The following ADCYAP1R1 variants were observed in gnomAD, a reference collection of about 807,000 sequenced individuals.
The protein encoded by ADCYAP1R1 is ADCYAP receptor type I, also known as pituitary adenylate cyclase-activating polypeptide type I receptor.
A neutral mutation model predicts 67.6 loss-of-function variants in ADCYAP1R1; 44 were observed. That is an observed-to-expected ratio of 0.65 (90% CI 0.51 to 0.84). The LOEUF (loss-of-function observed/expected upper bound fraction) is 0.84, where lower values mean the gene tolerates loss of function less well. Among genes scored for constraint, ADCYAP1R1 ranks in the 40% least tolerant of loss-of-function variants. ADCYAP1R1 has a pLI of 0.00. For missense variants in ADCYAP1R1, 477 were observed against 587.9 expected (o/e 0.81, Z 1.95); for synonymous variants, 222 against 219.6 (o/e 1.01, Z -0.10).
chr7:31,092,726 G>A lies in ADCYAP1R1; in HGVS notation c.1037G>A (p.Ser346Asn). 6.2e-7 allele frequency: 1 copy of A among 1,610,898 alleles called. No individual in the cohort carries two copies. Residue 346 changes from serine (S) to asparagine (N), a missense_variant, in exon 13 of 16, where the codon AGC (serine) becomes AAC (asparagine). Physicochemically the swap from Ser to Asn is conservative, Grantham distance 46. Transcript: ENST00000304166. ...QSPDMGGNESSIYLRLARSTL... is the reference protein window; with the variant it reads ...QSPDMGGNESNIYLRLARSTL... ...CCAGACATGGGAGGCAATGAGTCCAGCATCTACTTGTAAGTACCATTGTGT... is the reference window on the plus strand; with the variant it reads ...CCAGACATGGGAGGCAATGAGTCCAACATCTACTTGTAAGTACCATTGTGT...
At chr7:31,094,841 C>T (rs182807599) in intron 13 of ADCYAP1R1, among the ~76,000 whole-genome samples, 1 of 150,204 alleles carries the variant, frequency 6.7e-6, no homozygotes, top group East Asian at 2.0e-4. Context: ...TTTAAAGATC[C>T]AGCTAGTTGG....
intron 7 of ADCYAP1R1, 77 bp downstream of exon 7, chr7:31,084,327 G>A: frequency 8.2e-7 from 1 of 1,219,746 alleles, no homozygotes; most frequent in Non-Finnish European, 1.2e-6. Flanking sequence ...CAGCATTCAT[G>A]AGCACCTGCT....
At position 31,095,241 on chromosome 7, in the gene ADCYAP1R1, T is replaced by C. The variant is rs552228317; in HGVS notation, c.1046+2506T>C. 4.6e-5 allele frequency among the ~76,000 whole-genome samples: 7 copies of C among 152,292 alleles called. No homozygotes were observed. In the East Asian group the frequency reaches 7.7e-4, roughly 17 times the overall value. On this transcript the variant is annotated intron_variant, in intron 13 of 15. Coordinates refer to ENST00000304166, the MANE Select transcript of ADCYAP1R1 (RefSeq NM_001118.5). The stretch of plus-strand genomic sequence containing the variant: ...ATGTTACAGCTGAGGGAACTAGTTA[T>C]CAGTGAAGTGACGTGAATCCAGGAG...
chr7:31,100,876 C>T (rs769989524), intron 13 of ADCYAP1R1, among the ~76,000 whole-genome samples: 6 of 152,226 alleles, frequency 3.9e-5, no homozygotes, highest in Admixed American at 1.3e-4. Flanking sequence ...GGTGCCATTG[C>T]TCCCCTGGGC....
intron 3 of ADCYAP1R1, among the ~76,000 whole-genome samples, chr7:31,073,468 T>C (rs1795074541): frequency 6.6e-6 from 1 of 152,036 alleles, no homozygotes; most frequent in South Asian, 2.1e-4. Flanking sequence ...AACATATGGG[T>C]CTGTAGAAGC....
chr7:31,072,969 C>T (rs1795051536), intron 3 of ADCYAP1R1, among the ~76,000 whole-genome samples: 1 of 152,166 alleles, frequency 6.6e-6, no homozygotes. Context: ...ATGTGGGTGG[C>T]CTCTTAACTC....
At chr7:31,078,877 C>T (rs966296398) in intron 4 of ADCYAP1R1, among the ~76,000 whole-genome samples, 1 of 152,148 alleles carries the variant, frequency 6.6e-6, no homozygotes, top group Non-Finnish European at 1.5e-5. Context: ...TGCGATGGCG[C>T]CTCCCTGAGA....
At chr7:31,085,964 C>G (rs531056737) in intron 9 of ADCYAP1R1, among the ~76,000 whole-genome samples, 4 of 152,140 alleles carry the variant, frequency 2.6e-5, no homozygotes, top group Non-Finnish European at 5.9e-5. Flanking sequence ...GCTTGGGGAG[C>G]CTCTATGAGT....
chr7:31,097,588 T>G (rs1234397816), intron 13 of ADCYAP1R1, among the ~76,000 whole-genome samples: 1 of 152,078 alleles, frequency 6.6e-6, no homozygotes, highest in African/African-American at 2.4e-5. Flanking sequence ...CCACACAACT[T>G]TACCAGGTGC....
intron 1 of ADCYAP1R1, 64 bp downstream of exon 1, chr7:31,052,742 T>G (rs1794067180): frequency 6.6e-6 from 1 of 151,974 alleles, no homozygotes; most frequent in African/African-American, 2.4e-5. Context: ...CTCCAGAACC[T>G]TCGCCCAGCC....
At chr7:31,088,426 T>C (rs76519524) in intron 12 of ADCYAP1R1, among the ~76,000 whole-genome samples, 6,196 of 152,304 alleles carry the variant, frequency 0.041, 153 homozygotes, top group East Asian at 0.13. Context: ...TGGAGGCCTT[T>C]CCCAACCCAA....
chr7:31,083,541 C>T (rs144383166), intron 6 of ADCYAP1R1, among the ~76,000 whole-genome samples: 227 of 152,324 alleles, frequency 1.5e-3, no homozygotes, highest in African/African-American at 5.2e-3. Context: ...TATATATCTT[C>T]GTAAGATCCG....
rs1031873155 is a variant in ADCYAP1R1 at position 31,086,704 on chromosome 7, G to A, written c.823+167G>A. On this transcript the variant is annotated intron_variant, in intron 10 of 15. Transcript: ENST00000304166. The surrounding 1 kb of genome is among the most constrained non-coding windows in gnomAD (Gnocchi z 5.0). Reference sequence around the variant, plus strand: ...GGACTCTTTCTCAATCTTCTTGCCTGTGGAAAGCCCACTATCTCAGGGAGG... The same window carrying A: ...GGACTCTTTCTCAATCTTCTTGCCTATGGAAAGCCCACTATCTCAGGGAGG... Among the ~76,000 whole-genome samples the A allele has an allele frequency of 2.0e-5, 3 of 152,184 alleles. No individual in the cohort carries two copies. The highest frequency in any genetic ancestry group is 4.4e-5 in the Non-Finnish European group (3 of 68,028).
intron 13 of ADCYAP1R1, among the ~76,000 whole-genome samples, chr7:31,093,327 T>C (rs775073510): frequency 2.0e-5 from 3 of 151,894 alleles, no homozygotes; most frequent in African/African-American, 7.2e-5. Context: ...TTGGGGATTA[T>C]TGGGTTACAG....
chr7:31,084,248 C>G lies in ADCYAP1R1; in HGVS notation c.436C>G (p.Gln146Glu). ...TGAATATGAATCTGAGACTGGGGAC[C>G]AGGTGAGTGTCTGCACCCTGCTCCC... ...FDEYESETGD[Q>E]DYYYLSVKAL... Residue 146 changes from glutamine (Q) to glutamate (E), a missense_variant and splice_region_variant, in exon 7 of 16, where the codon CAG becomes GAG. Physicochemically the swap from Gln to Glu is conservative, Grantham distance 29 (BLOSUM62 2). Transcript: ENST00000304166. The G allele has an allele frequency of 6.2e-7, 1 of 1,613,248 alleles. No individual in the cohort carries two copies.
chr7:31,086,348 G>A lies in ADCYAP1R1; in HGVS notation c.670-36G>A. The A allele has an allele frequency of 6.2e-7, 1 of 1,607,096 alleles. No homozygotes were observed. The highest frequency in any genetic ancestry group is 1.1e-5 in the South Asian group (1 of 89,278). On this transcript the variant is annotated intron_variant, in intron 9 of 15. Transcript: ENST00000304166. This position sits in a 1 kb window ranked among gnomAD's most constrained non-coding sequence, Gnocchi z 5.0. ...TTCTCCCTTGCTCCTGTTCCTGTTG[G>A]GCTCACGCCCCTCACCCTGGCGCTT...
At chr7:31,105,389 G>A (rs1419107904) in intron 15 of ADCYAP1R1, among the ~76,000 whole-genome samples, 1 of 152,180 alleles carries the variant, frequency 6.6e-6, no homozygotes, top group Non-Finnish European at 1.5e-5. Flanking sequence ...CTGTCCCCTG[G>A]TAGAAGGGAG....
chr7:31,074,744 G>A (rs1296394020), intron 3 of ADCYAP1R1, among the ~76,000 whole-genome samples: 1 of 152,238 alleles, frequency 6.6e-6, no homozygotes, highest in Non-Finnish European at 1.5e-5. Flanking sequence ...CTGGCTAGAT[G>A]TCCTCTGCTA....
intron 3 of ADCYAP1R1, among the ~76,000 whole-genome samples, chr7:31,068,358 C>T (rs571446266): frequency 6.6e-6 from 1 of 152,250 alleles, no homozygotes; most frequent in South Asian, 2.1e-4. Flanking sequence ...CCTAGTAAAC[C>T]CCTCAGCCGG....
Sources: allele counts gnomAD v4.1 joint callset (sites outside exome capture counted in the v4.1 genomes callset), GRCh38; gene constraint gnomAD v4.1.1; non-coding constraint Gnocchi (gnomAD v3.1); transcripts MANE v1.5; gene names NCBI Gene and HGNC (gene_info 2026-07-23, HGNC 2026-07-21).